MAGI2: variants seen among roughly 807,000 people sequenced by gnomAD.
MAGI2 encodes the protein membrane-associated guanylate kinase, WW and PDZ domain-containing protein 2.
In MAGI2, 35 loss-of-function variants were observed where a neutral mutation model predicts 133.3. The observed-to-expected ratio is 0.26, with a 90% CI of 0.20 to 0.35. The LOEUF (loss-of-function observed/expected upper bound fraction) is 0.35. MAGI2 is among the 10% of genes least tolerant of loss of function. The pLI is 1.00. For missense variants in MAGI2, 1,636 were observed against 1,863.4 expected (o/e 0.88, Z 2.25); for synonymous variants, 729 against 710.6 (o/e 1.03, Z -0.41).
chr7:78,514,799 C>T (rs899325517), intron 4 of MAGI2, among the ~76,000 whole-genome samples: 3 of 152,142 alleles, frequency 2.0e-5, no homozygotes, highest in Admixed American at 6.5e-5. Context: ...GACCTGGATG[C>T]GGGTCCCTAA....
At chr7:78,273,479 G>C (rs1389272899) in intron 9 of MAGI2, among the ~76,000 whole-genome samples, 1 of 152,100 alleles carries the variant, frequency 6.6e-6, no homozygotes, top group Non-Finnish European at 1.5e-5. Flanking sequence ...TTGAATGTTG[G>C]CTCCCTTGCT....
At chr7:78,729,758 T>C (rs1821187487) in intron 2 of MAGI2, among the ~76,000 whole-genome samples, 2 of 152,150 alleles carry the variant, frequency 1.3e-5, no homozygotes, top group Non-Finnish European at 2.9e-5. Flanking sequence ...CATACATTGG[T>C]TTGGTAGTCT....
intron 2 of MAGI2, among the ~76,000 whole-genome samples, chr7:78,708,210 C>T (rs912943573): frequency 1.3e-5 from 2 of 152,092 alleles, no homozygotes; most frequent in African/African-American, 4.8e-5. Flanking sequence ...TTTCTTCATT[C>T]GAATGCATTC....
At chr7:79,097,462 C>A (rs1013289) in intron 1 of MAGI2, among the ~76,000 whole-genome samples, 113,444 of 151,648 alleles carry the variant, frequency 0.75, 43,597 homozygotes, top group Non-Finnish European at 0.84. Context: ...AAGCTTCCTG[C>A]TGGAGGATCA....
intron 21 of MAGI2, among the ~76,000 whole-genome samples, chr7:78,060,475 G>T (rs918470889): frequency 6.6e-6 from 1 of 152,232 alleles, no homozygotes; most frequent in Non-Finnish European, 1.5e-5. Context: ...AAAGAACCTA[G>T]GTTCCTGGCT....
At chr7:78,851,431 G>A (rs1793132130) in intron 2 of MAGI2, among the ~76,000 whole-genome samples, 2 of 152,004 alleles carry the variant, frequency 1.3e-5, no homozygotes, top group Admixed American at 6.6e-5. Flanking sequence ...TATGACATAA[G>A]TATTCTTATG....
At chr7:79,186,222 A>ATATATATATATATATATT (rs1827103625) in intron 1 of MAGI2, among the ~76,000 whole-genome samples, 2 of 38,198 alleles carry the variant, frequency 5.2e-5, no homozygotes, top group Non-Finnish European at 2.8e-4. Flanking sequence ...ATATATATAT[A>ATATATATATATATATATT]TATATATATA....
intron 2 of MAGI2, chr7:78,946,605 A>G (rs1423839592): frequency 6.6e-6 from 1 of 152,156 alleles, no homozygotes; most frequent in East Asian, 1.9e-4. Flanking sequence ...TCTGGCAGAT[A>G]ATTGCTTTTC....
In MAGI2 at chr7:79,011,687, A is replaced by G. The variant is rs888174220; in HGVS notation, c.302-4481T>C. Among the ~76,000 whole-genome samples, 24 of 152,018 alleles carry G rather than the reference A, an allele frequency of 1.6e-4. 1 individual carries two copies. Among genetic ancestry groups the G allele is most frequent in the African/African-American group, 5.3e-4 (22 of 41,406 alleles). ...GGTTTGGCTCATTTTGATGTAATCTACTCATCCTGTGCTTCAGTCAAAGCA... is the reference window on the plus strand; with the variant it reads ...GGTTTGGCTCATTTTGATGTAATCTGCTCATCCTGTGCTTCAGTCAAAGCA... On this transcript the variant is annotated intron_variant, in intron 1 of 21. Coordinates refer to ENST00000354212, the MANE Select transcript of MAGI2 (RefSeq NM_012301.4).
intron 20 of MAGI2, among the ~76,000 whole-genome samples, chr7:78,104,520 C>T (rs1818494351): frequency 6.6e-6 from 1 of 151,986 alleles, no homozygotes; most frequent in Admixed American, 6.6e-5. Context: ...CCGCGCCCAG[C>T]CCGGATTTTC....
At chr7:78,880,622 A>C (rs1015336489) in intron 2 of MAGI2, among the ~76,000 whole-genome samples, 1 of 152,218 alleles carries the variant, frequency 6.6e-6, no homozygotes, top group African/African-American at 2.4e-5. Flanking sequence ...CCACAGAAAC[A>C]CACTTAAGTC....
At chr7:79,140,170 C>T (rs150012832) in intron 1 of MAGI2, among the ~76,000 whole-genome samples, 1 of 152,316 alleles carries the variant, frequency 6.6e-6, no homozygotes, top group East Asian at 1.9e-4. Context: ...AAGCCCATCA[C>T]ATTTGCTAGC....
At chr7:78,161,801 C>T (rs1584208872) in intron 15 of MAGI2, among the ~76,000 whole-genome samples, 2 of 151,156 alleles carry the variant, frequency 1.3e-5, no homozygotes, top group African/African-American at 4.9e-5. Context: ...GGCTGTTGCT[C>T]GTTATTATTT....
chr7:79,220,374 G>C (rs978853200), intron 1 of MAGI2, among the ~76,000 whole-genome samples: 3 of 151,800 alleles, frequency 2.0e-5, no homozygotes, highest in African/African-American at 7.3e-5. Context: ...GCTGGTAACA[G>C]GTCAAAAAAA....
At chr7:78,251,315 A>G (rs1792358605) in intron 10 of MAGI2, 1 of 152,196 alleles carries the variant, frequency 6.6e-6, no homozygotes, top group Non-Finnish European at 1.5e-5. Context: ...AACTGGTAAC[A>G]AGGTAGGGAT....
At chr7:78,752,252 C>T (rs2151280510) in intron 2 of MAGI2, among the ~76,000 whole-genome samples, 1 of 152,274 alleles carries the variant, frequency 6.6e-6, no homozygotes. Context: ...GGATAATGTT[C>T]TTGATTTTGT....
chr7:79,432,661 A>G (rs765030837), intron 1 of MAGI2, among the ~76,000 whole-genome samples: 6 of 152,190 alleles, frequency 3.9e-5, no homozygotes, highest in Non-Finnish European at 8.8e-5. Flanking sequence ...TGTTGGGTTA[A>G]GGGGACAGCC....
intron 3 of MAGI2, among the ~76,000 whole-genome samples, chr7:78,564,894 G>C (rs1015739764): frequency 1.1e-4 from 15 of 140,870 alleles, no homozygotes; most frequent in African/African-American, 3.9e-4. Context: ...CCCGGGTTCA[G>C]GCCATTCTCC....
chr7:78,929,726 T>A (rs941115992), intron 2 of MAGI2, among the ~76,000 whole-genome samples: 2 of 152,124 alleles, frequency 1.3e-5, no homozygotes, highest in African/African-American at 4.8e-5. Flanking sequence ...CCTCTGATAA[T>A]CCCCCTATCT....
Sources: allele counts gnomAD v4.1 joint callset (sites outside exome capture counted in the v4.1 genomes callset), GRCh38; gene constraint gnomAD v4.1.1; transcripts MANE v1.5; gene names NCBI Gene and HGNC (gene_info 2026-07-23, HGNC 2026-07-21).